Variants in ADAM10 observed in about 807,000 individuals in gnomAD.
ADAM10 encodes disintegrin and metalloproteinase domain-containing protein 10.
ADAM10 carries 17 observed loss-of-function variants against 90.1 expected under a neutral mutation model. The observed-to-expected ratio is 0.19, with a 90% CI of 0.13 to 0.28. ADAM10 has a LOEUF of 0.28. Ranked by LOEUF, ADAM10 falls within the 10% of genes least tolerant of loss-of-function variation. The pLI is 1.00. For synonymous variants in ADAM10, 310 were observed against 298.6 expected (o/e 1.04, Z -0.40); for missense variants, 610 against 914.3 (o/e 0.67, Z 4.29).
At chr15:58,726,832 C>T (rs1200685073) in intron 1 of ADAM10, among the ~76,000 whole-genome samples, 8 of 150,550 alleles carry the variant, frequency 5.3e-5, no homozygotes, top group Non-Finnish European at 1.5e-5. Context: ...TTGTGAACGG[C>T]CACTGCATTC....
intron 2 of ADAM10, among the ~76,000 whole-genome samples, chr15:58,693,897 A>G (rs1049635818): frequency 2.6e-5 from 4 of 152,234 alleles, no homozygotes; most frequent in African/African-American, 9.6e-5. Flanking sequence ...TTGAAAGACA[A>G]ACAACAATGT....
chr15:58,657,447 C>G (rs1458621188), intron 5 of ADAM10, among the ~76,000 whole-genome samples: 4 of 152,112 alleles, frequency 2.6e-5, no homozygotes, highest in African/African-American at 9.7e-5. Context: ...CTCACTAATT[C>G]TTCTGTTTTA....
rs1894773157 is a variant in ADAM10, at chr15:58,589,081, AAACT to A, written c.*8462_*8465del. On this transcript the variant is annotated 3_prime_UTR_variant, in exon 16 of 16. Transcript: ENST00000260408. ...CAGCTGTTGGTAATGTGTTGTAATG[AAACT>A]AACTTTTGTGCCTATCTTGTGAAAT... 1 of 152,246 alleles carries A rather than the reference AAACT, an allele frequency of 6.6e-6. No individual in the cohort carries two copies. Among genetic ancestry groups the A allele is most frequent in the Non-Finnish European group, 1.5e-5 (1 of 68,032 alleles). 9.4% of individuals were successfully genotyped at this position (152,246 alleles called of 1,614,324 possible).
chr15:58,622,473 A>C (rs1895814668), intron 10 of ADAM10, among the ~76,000 whole-genome samples: 1 of 152,018 alleles, frequency 6.6e-6, no homozygotes, highest in Non-Finnish European at 1.5e-5. Flanking sequence ...TACACCATTG[A>C]TCTGTTAAAG....
intron 5 of ADAM10, among the ~76,000 whole-genome samples, chr15:58,663,379 G>A (rs924269500): frequency 9.9e-5 from 15 of 151,944 alleles, no homozygotes; most frequent in Admixed American, 9.8e-4. Context: ...TTTCATATAC[G>A]CATGGGTCTT....
rs1162350060 is a variant in ADAM10, at chr15:58,647,248, A to ATTTCTT, written c.586-1045_586-1044insAAGAAA. Among the ~76,000 whole-genome samples, 93 of 59,600 alleles carry ATTTCTT rather than the reference A, an allele frequency of 1.6e-3. 10 individuals are homozygous for ATTTCTT. Among genetic ancestry groups the ATTTCTT allele is most frequent in the African/African-American group, 4.1e-3 (76 of 18,646 alleles). The allele number at this position is 59,600 out of a possible 152,430, so 39.1% of individuals were successfully genotyped here. A position where few individuals can be genotyped will look rare whatever the true frequency, so the allele number is the denominator to read the frequency against. ...TGGCAGCAAAGAGTAGACACTAAGT[A>ATTTCTT]TTTTTTTTTTTTTTTTTTTTTTTTT... On this transcript the variant is annotated intron_variant, in intron 5 of 15. Transcript: ENST00000260408.
chr15:58,683,363 T>C (rs1337779940), intron 2 of ADAM10, among the ~76,000 whole-genome samples: 1 of 152,176 alleles, frequency 6.6e-6, no homozygotes, highest in Non-Finnish European at 1.5e-5. Context: ...CATAAAGTTG[T>C]ATGGGGAAAC....
intron 1 of ADAM10, among the ~76,000 whole-genome samples, chr15:58,726,767 AG>A (rs751307849): frequency 1.2e-4 from 18 of 151,494 alleles, no homozygotes; most frequent in Non-Finnish European, 2.4e-4. Context: ...CAGGAGAGTG[AG>A]GTGGGAGGAC....
chr15:58,621,262 C>CAAAAAAAA (rs749439192), intron 11 of ADAM10, among the ~76,000 whole-genome samples: 11 of 25,276 alleles, frequency 4.4e-4, no homozygotes, highest in African/African-American at 1.0e-3. Flanking sequence ...GACCCTGTCT[C>CAAAAAAAA]AAAAAAAAAA....
intron 11 of ADAM10, among the ~76,000 whole-genome samples, chr15:58,614,300 GAAA>G (rs1566967729): frequency 3.7e-5 from 2 of 53,996 alleles, no homozygotes; most frequent in Non-Finnish European, 3.6e-5. Context: ...TAAAAAGAAA[GAAA>G]AAAGAAAGAA....
chr15:58,704,904 G>A lies in ADAM10; in HGVS notation c.206+12673C>T, dbSNP rs79827593. The stretch of plus-strand genomic sequence containing the variant: ...CATATTGCTCTTTCTACTGTATCAA[G>A]AATGCCTCTCAAGCATATGATGGAA... On this transcript the variant is annotated intron_variant, in intron 2 of 15. Transcript: ENST00000260408. 5.9e-3 allele frequency among the ~76,000 whole-genome samples: 896 copies of A among 152,308 alleles called. 7 individuals are homozygous for A. Among genetic ancestry groups the A allele is most frequent in the Middle Eastern group, 0.01 (3 of 294 alleles).
chr15:58,626,133 C>G (rs1369922094), intron 10 of ADAM10, among the ~76,000 whole-genome samples: 1 of 146,488 alleles, frequency 6.8e-6, no homozygotes, highest in South Asian at 2.1e-4. Context: ...TAAATACATA[C>G]AAAGAGAAAT....
intron 9 of ADAM10, among the ~76,000 whole-genome samples, chr15:58,630,981 G>A (rs749814480): frequency 2.0e-5 from 3 of 152,094 alleles, no homozygotes; most frequent in Non-Finnish European, 4.4e-5. Flanking sequence ...AGGTGGGTGG[G>A]TGAGTGCATT....
intron 2 of ADAM10, among the ~76,000 whole-genome samples, chr15:58,707,922 T>C (rs7164954): frequency 0.26 from 39,739 of 151,458 alleles, 6,454 homozygotes; most frequent in East Asian, 0.52. Flanking sequence ...ACTAAAAATA[T>C]GGAAATTAGC....
chr15:58,602,622 A>G (rs1379872397), intron 14 of ADAM10, among the ~76,000 whole-genome samples: 7 of 152,072 alleles, frequency 4.6e-5, no homozygotes, highest in Non-Finnish European at 4.4e-5. Flanking sequence ...GTACATATAT[A>G]TGCACACACA....
At chr15:58,656,921 T>C (rs961182108) in intron 5 of ADAM10, among the ~76,000 whole-genome samples, 3 of 152,174 alleles carry the variant, frequency 2.0e-5, no homozygotes, top group African/African-American at 7.2e-5. Context: ...TCTGGGAAAG[T>C]TTTTATTTCT....
At chr15:58,717,111 T>C (rs1424927528) in intron 2 of ADAM10, among the ~76,000 whole-genome samples, 5 of 151,992 alleles carry the variant, frequency 3.3e-5, no homozygotes, top group Admixed American at 3.3e-4. Context: ...TTGACTCCCC[T>C]TTATCACTTA....
At position 58,713,935 on chromosome 15, in the gene ADAM10, C is replaced by T. The variant is rs187338542; in HGVS notation, c.206+3642G>A. 3.9e-3 allele frequency among the ~76,000 whole-genome samples: 588 copies of T among 151,738 alleles called. 3 individuals carry two copies. Among genetic ancestry groups the T allele is most frequent in the African/African-American group, 0.013 (520 of 41,334 alleles). On this transcript the variant is annotated intron_variant, in intron 2 of 15. Transcript: ENST00000260408. ...TCAAGCGATTGTCATGCCTCAGCCT[C>T]TTGAGTAGCTGGGACTACAGGCGCA...
intron 1 of ADAM10, chr15:58,748,050 G>T (rs1456388028): frequency 6.6e-6 from 1 of 151,748 alleles, no homozygotes. Flanking sequence ...CTAACAGAGA[G>T]TCTCCCGCAC....
Sources: gnomAD v4.1 joint callset for allele counts (sites outside exome capture counted in the v4.1 genomes callset) on GRCh38, gnomAD v4.1.1 for gene constraint, MANE v1.5 for transcripts, NCBI Gene and HGNC (gene_info 2026-07-23, HGNC 2026-07-21) for gene names.